The following SLC35F5 variants were observed in gnomAD, a reference collection of about 807,000 sequenced individuals.
SLC35F5 encodes the protein solute carrier family 35 member F5, also known as HCV NS5A-transactivated protein 3.
A neutral mutation model predicts 68.6 loss-of-function variants in SLC35F5; 54 were observed. The ratio of observed to expected loss-of-function variants is 0.79; its 90% confidence interval spans 0.63 to 0.99. The LOEUF is 0.99. Ranked by LOEUF, SLC35F5 falls within the 50% of genes least tolerant of loss-of-function variation. SLC35F5 has a pLI of 0.00. For synonymous variants in SLC35F5, 211 were observed against 205.2 expected (o/e 1.03, Z -0.24); for missense variants, 567 against 626.9 (o/e 0.90, Z 1.02).
Position 113,707,700 on chromosome 2 carries a change from C to T in SLC35F5, c.*7518G>A, listed in dbSNP as rs1686836866. Among the ~76,000 whole-genome samples, 1 of 152,108 alleles carries T rather than the reference C, an allele frequency of 6.6e-6. No individual in the cohort carries two copies. The highest frequency in any genetic ancestry group is 1.5e-5 in the Non-Finnish European group (1 of 68,010). On this transcript the variant is annotated 3_prime_UTR_variant, in exon 16 of 16. Coordinates refer to ENST00000245680, the MANE Select transcript of SLC35F5 (RefSeq NM_025181.5). ...TCAGCCTCACAAGTAGCTGGGACTA[C>T]AGGCGTGCACCACCATGCCTGGCTA...
chr2:113,752,144 G>A (rs1177768685), intron 3 of SLC35F5, among the ~76,000 whole-genome samples: 6 of 151,308 alleles, frequency 4.0e-5, no homozygotes, highest in Non-Finnish European at 8.8e-5. Context: ...CCTGGGAGGC[G>A]GAGATTGCAG....
chr2:113,704,071 A>C, downstream of SLC35F5: 1 of 152,404 alleles, frequency 6.6e-6, no homozygotes, highest in Non-Finnish European at 1.5e-5. Flanking sequence ...GTTACAGCTC[A>C]TAAAGGCAGT....
chr2:113,755,428 A>G, intron 2 of SLC35F5, 26 bp downstream of exon 2: 2 of 1,611,770 alleles, frequency 1.2e-6, no homozygotes, highest in Non-Finnish European at 1.7e-6. Flanking sequence ...TGTGAAAGTT[A>G]CATAGAGGAT....
intron 14 of SLC35F5, among the ~76,000 whole-genome samples, chr2:113,718,916 A>G (rs1412381219): frequency 4.4e-4 from 31 of 70,682 alleles, no homozygotes; most frequent in Admixed American, 1.3e-3. Context: ...AAAGAAAGAA[A>G]GAAAGAAAGA....
intron 3 of SLC35F5, among the ~76,000 whole-genome samples, chr2:113,751,953 T>A (rs1371026415): frequency 6.6e-6 from 1 of 152,112 alleles, no homozygotes; most frequent in African/African-American, 2.4e-5. Flanking sequence ...GGCTCACGCC[T>A]GTAATCCCAA....
intron 7 of SLC35F5, among the ~76,000 whole-genome samples, chr2:113,739,881 T>C (rs1688225233): frequency 6.6e-6 from 1 of 152,226 alleles, no homozygotes; most frequent in Non-Finnish European, 1.5e-5. Flanking sequence ...TTGTATGTTG[T>C]ATGTATTGTA....
intron 12 of SLC35F5, among the ~76,000 whole-genome samples, chr2:113,724,606 G>A (rs1490580862): frequency 6.6e-6 from 1 of 152,118 alleles, no homozygotes; most frequent in Non-Finnish European, 1.5e-5. Context: ...CCACAAAAAA[G>A]TCTATTTCTG....
intron 4 of SLC35F5, among the ~76,000 whole-genome samples, chr2:113,747,587 A>G (rs1305189009): frequency 6.6e-6 from 1 of 152,232 alleles, no homozygotes; most frequent in Non-Finnish European, 1.5e-5. Flanking sequence ...CCCAAAAAAT[A>G]TATGAAAAAG....
rs1463034939 is a variant in SLC35F5, at chr2:113,713,542, C to G, written c.*1676G>C. 1 of 152,126 alleles carries G rather than the reference C, an allele frequency of 6.6e-6. No individual in the cohort carries two copies. Among genetic ancestry groups the G allele is most frequent in the African/African-American group, 2.4e-5 (1 of 41,430 alleles). 9.4% of individuals were successfully genotyped at this position (152,126 alleles called of 1,614,324 possible). A position where few individuals can be genotyped will look rare whatever the true frequency, so the allele number is the denominator to read the frequency against. On this transcript the variant is annotated 3_prime_UTR_variant, in exon 16 of 16. Transcript: ENST00000245680. ...GAGGTATCTAGATTATAAACTTCAA[C>G]CAAAAGTAGTCCTTGAGTAATTAAA... is the stretch of plus-strand genomic sequence containing the variant.
chr2:113,746,021 T>C (rs936611480), intron 5 of SLC35F5, among the ~76,000 whole-genome samples: 6 of 152,200 alleles, frequency 3.9e-5, no homozygotes, highest in Non-Finnish European at 8.8e-5. Context: ...TAACAAAGGA[T>C]TGTCCTTTAT....
intron 4 of SLC35F5, among the ~76,000 whole-genome samples, chr2:113,749,050 C>T (rs1676632106): frequency 6.6e-6 from 1 of 152,204 alleles, no homozygotes; most frequent in African/African-American, 2.4e-5. Flanking sequence ...TGATTCGCCC[C>T]CTCGGCCTCC....
At chr2:113,753,257 C>A (rs1339161532) in intron 3 of SLC35F5, among the ~76,000 whole-genome samples, 3 of 136,056 alleles carry the variant, frequency 2.2e-5, no homozygotes, top group Non-Finnish European at 4.6e-5. Context: ...CAGCTCACTG[C>A]AACCTCTGCC....
Position 113,725,499 on chromosome 2 carries a change from C to G in SLC35F5, c.1129G>C (p.Gly377Arg). ...CCAGTATAATGAAGTAAAAAGAAACCTGGCCATAAGAGCAGCAGATTAAAC... is the reference window on the plus strand; with the variant it reads ...CCAGTATAATGAAGTAAAAAGAAACGTGGCCATAAGAGCAGCAGATTAAAC... ...GLFNLLLLWP[G>R]FFLLHYTGFE... The change falls in exon 12 of 16, where the codon GGT becomes CGT. Residue 377 changes from glycine (G) to arginine (R), a missense_variant. By Grantham distance (125) the Gly-to-Arg change is moderately radical. Coordinates refer to ENST00000245680, the MANE Select transcript of SLC35F5 (RefSeq NM_025181.5). The G allele has an allele frequency of 1.9e-6, 3 of 1,601,620 alleles. No homozygotes were observed. Among genetic ancestry groups the G allele is most frequent in the Non-Finnish European group, 2.5e-6 (3 of 1,177,058 alleles).
chr2:113,715,688 T>C (rs1419043729), intron 15 of SLC35F5, among the ~76,000 whole-genome samples: 1 of 152,188 alleles, frequency 6.6e-6, no homozygotes, highest in Non-Finnish European at 1.5e-5. Context: ...CTTAATGTCA[T>C]AGGTTCTAGG....
intron 5 of SLC35F5, 159 bp from the exon 6 acceptor site, chr2:113,743,953 A>C: frequency 2.1e-6 from 1 of 478,056 alleles, no homozygotes; most frequent in Non-Finnish European, 3.7e-6. Flanking sequence ...AGGAAACTCA[A>C]CAGATCCATA....
intron 13 of SLC35F5, among the ~76,000 whole-genome samples, chr2:113,719,872 A>G (rs906804712): frequency 1.3e-4 from 20 of 152,078 alleles, no homozygotes; most frequent in Non-Finnish European, 2.9e-5. Context: ...ATGACCAAAT[A>G]AAATAAAGAA....
Position 113,755,442 on chromosome 2 carries a change from CG to C in SLC35F5, c.131+11del. The C allele has an allele frequency of 6.2e-7, 1 of 1,613,610 alleles. No individual in the cohort carries two copies. Among genetic ancestry groups the C allele is most frequent in the Non-Finnish European group, 8.5e-7 (1 of 1,179,584 alleles). Reference sequence around the variant, plus strand: ...GTGTGAAAGTTACATAGAGGATAAACGTGGAATCTACCTTGTCTTAAGAGCC... The same window carrying C: ...GTGTGAAAGTTACATAGAGGATAAACTGGAATCTACCTTGTCTTAAGAGCC... On this transcript the variant is annotated intron_variant, in intron 2 of 15. Coordinates refer to ENST00000245680, the MANE Select transcript of SLC35F5 (RefSeq NM_025181.5).
chr2:113,727,086 G>T (rs752038304), intron 11 of SLC35F5, among the ~76,000 whole-genome samples: 3 of 152,180 alleles, frequency 2.0e-5, no homozygotes, highest in Non-Finnish European at 4.4e-5. Flanking sequence ...CCCCCATGCT[G>T]TTCCCATCAT....
At chr2:113,740,326 C>T (rs983932529) in intron 7 of SLC35F5, among the ~76,000 whole-genome samples, 1 of 152,132 alleles carries the variant, frequency 6.6e-6, no homozygotes, top group African/African-American at 2.4e-5. Flanking sequence ...AATAGGAAAA[C>T]CCCTGAGTTA....
Sources: gnomAD v4.1 joint callset for allele counts (sites outside exome capture counted in the v4.1 genomes callset) on GRCh38, gnomAD v4.1.1 for gene constraint, MANE v1.5 for transcripts, NCBI Gene and HGNC (gene_info 2026-07-23, HGNC 2026-07-21) for gene names.